Variants in ZMYND11 observed in about 807,000 individuals in gnomAD.
The protein encoded by ZMYND11 is zinc finger MYND domain-containing protein 11.
ZMYND11 carries 9 observed loss-of-function variants against 84.9 expected under a neutral mutation model. The ratio of observed to expected loss-of-function variants is 0.11; its 90% CI spans 0.06 to 0.18. The LOEUF is 0.18. Ranked by LOEUF, ZMYND11 falls within the 10% of genes least tolerant of loss-of-function variation. The pLI, the probability that ZMYND11 is intolerant of heterozygous loss-of-function variation, is 1.00. For missense variants in ZMYND11, 409 were observed against 761.0 expected (o/e 0.54, Z 5.44); for synonymous variants, 250 against 244.1 (o/e 1.02, Z -0.23).
At chr10:182,968 G>A (rs1463273413) in intron 2 of ZMYND11, among the ~76,000 whole-genome samples, 7 of 152,076 alleles carry the variant, frequency 4.6e-5, no homozygotes. Flanking sequence ...ATATCTTAAG[G>A]TACTGAAGGC....
chr10:232,668 G>A (rs1326475149), intron 4 of ZMYND11, among the ~76,000 whole-genome samples: 1 of 152,176 alleles, frequency 6.6e-6, no homozygotes, highest in Non-Finnish European at 1.5e-5. Flanking sequence ...AAAAAGGTGG[G>A]TGGGGCAACA....
chr10:146,991 A>G (rs1839035923), intron 1 of ZMYND11, among the ~76,000 whole-genome samples: 1 of 152,206 alleles, frequency 6.6e-6, no homozygotes, highest in Admixed American at 6.5e-5. Context: ...TTCTTTATAA[A>G]TTACCCAGTC....
intron 1 of ZMYND11, among the ~76,000 whole-genome samples, chr10:177,780 C>T (rs1846985320): frequency 6.6e-6 from 1 of 152,000 alleles, no homozygotes; most frequent in Non-Finnish European, 1.5e-5. Flanking sequence ...ATGTATTATT[C>T]TTCAGTGTTT....
intron 1 of ZMYND11, among the ~76,000 whole-genome samples, chr10:172,141 C>G (rs1421046948): frequency 6.6e-6 from 1 of 152,156 alleles, no homozygotes; most frequent in Admixed American, 6.6e-5. Context: ...GGCAGAGCCC[C>G]CATGGCCCAA....
chr10:209,038 T>C (rs1944695582), intron 2 of ZMYND11, among the ~76,000 whole-genome samples: 1 of 149,258 alleles, frequency 6.7e-6, no homozygotes, highest in Non-Finnish European at 1.5e-5. Context: ...TATGTATATG[T>C]ATATATATAT....
At chr10:131,616 T>C (rs566312862), upstream of ZMYND11, among the ~76,000 whole-genome samples, 1 of 152,300 alleles carries the variant, frequency 6.6e-6, no homozygotes, top group African/African-American at 2.4e-5. Context: ...CCCTGACCTC[T>C]TGTGCTCAAG....
chr10:212,844 T>G (rs963158443), intron 3 of ZMYND11, among the ~76,000 whole-genome samples: 59 of 152,294 alleles, frequency 3.9e-4, no homozygotes, highest in African/African-American at 1.4e-3. Flanking sequence ...TCAACCTGTA[T>G]TCTCAAACAC....
intron 1 of ZMYND11, among the ~76,000 whole-genome samples, chr10:177,421 T>C (rs1203150763): frequency 6.6e-6 from 1 of 152,186 alleles, no homozygotes; most frequent in African/African-American, 2.4e-5. Flanking sequence ...GTGACTTGAT[T>C]CAGGTAGTTC....
chr10:169,709 G>A (rs1844831388), intron 1 of ZMYND11, among the ~76,000 whole-genome samples: 5 of 152,100 alleles, frequency 3.3e-5, no homozygotes, highest in Admixed American at 2.0e-4. Context: ...CTGAATGTGA[G>A]CATATGACAA....
rs751504676 is a variant in ZMYND11 at position 237,630 on chromosome 10, T to A, written c.562T>A (p.Tyr188Asn). The A allele has an allele frequency of 6.2e-7, 1 of 1,613,806 alleles. No individual in the cohort carries two copies. Among genetic ancestry groups the A allele is most frequent in the South Asian group, 1.1e-5 (1 of 90,974 alleles). Reference sequence around the variant, plus strand: ...GGGGAAGGACAATAAACACCCGATGTACAGGAGGCTGGTGCACTCAGCTGT... The same window carrying A: ...GGGGAAGGACAATAAACACCCGATGAACAGGAGGCTGGTGCACTCAGCTGT... ...KKGKDNKHPM[Y>N]RRLVHSAVDV... The change falls in exon 6 of 15, where the codon TAC (tyrosine) becomes AAC (asparagine). Residue 188 changes from tyrosine (Y) to asparagine (N), a missense_variant. Tyr to Asn is a moderately radical substitution (Grantham distance 143). Around this residue, in one of 7 missense-constraint regions of ZMYND11, gnomAD observed 53 missense variants for 71.1 expected, o/e 0.75. Transcript: ENST00000381604.
intron 10 of ZMYND11, among the ~76,000 whole-genome samples, chr10:243,859 C>T (rs566427872): frequency 9.2e-5 from 14 of 152,180 alleles, no homozygotes; most frequent in East Asian, 5.8e-4. Context: ...AGTGAGACTC[C>T]GTCTCAAAAA....
intron 4 of ZMYND11, among the ~76,000 whole-genome samples, chr10:232,422 T>C (rs920784193): frequency 6.6e-5 from 10 of 152,238 alleles, no homozygotes; most frequent in Admixed American, 3.3e-4. Context: ...TTTTCAAATG[T>C]GAAAGCATCT....
Position 250,400 on chromosome 10 carries a change from T to C in ZMYND11, c.1686+1312T>C, listed in dbSNP as rs187156154. On this transcript the variant is annotated intron_variant, in intron 14 of 14. Transcript: ENST00000381604. The stretch of plus-strand genomic sequence containing the variant: ...GTCCCAGTGCTTTGGGAGGCCAAGG[T>C]GGAAGGATTGGTTGAGCCCAGGAGT... Among the ~76,000 whole-genome samples the C allele has an allele frequency of 6.9e-3, 1,052 of 152,122 alleles. 12 individuals carry two copies. The highest frequency in any genetic ancestry group is 0.024 in the African/African-American group (984 of 41,518).
At chr10:132,420 T>G (rs1435017336), upstream of ZMYND11, among the ~76,000 whole-genome samples, 1 of 151,892 alleles carries the variant, frequency 6.6e-6, no homozygotes, top group African/African-American at 2.4e-5. Context: ...ATGTTTCTTA[T>G]CCTCTTGCTT....
chr10:220,523 C>T (rs368628185), intron 3 of ZMYND11, among the ~76,000 whole-genome samples: 4 of 152,122 alleles, frequency 2.6e-5, no homozygotes, highest in African/African-American at 9.7e-5. Context: ...CTAGGAATAG[C>T]CCCAGTCAGG....
intron 2 of ZMYND11, 49 bp downstream of exon 2, chr10:180,177 TTGGG>T: frequency 2.0e-6 from 3 of 1,524,740 alleles, no homozygotes; most frequent in Non-Finnish European, 2.7e-6. Flanking sequence ...GTAGAAGACT[TTGGG>T]GGAAAGGCCA....
chr10:234,984 G>A (rs1589157103), intron 4 of ZMYND11, among the ~76,000 whole-genome samples: 1 of 136,848 alleles, frequency 7.3e-6, no homozygotes, highest in Admixed American at 7.5e-5. Context: ...TTTCGCAAAT[G>A]TGTGTGTGTG....
chr10:251,744 T>C (rs990907901), intron 14 of ZMYND11, among the ~76,000 whole-genome samples: 2 of 152,150 alleles, frequency 1.3e-5, no homozygotes, highest in African/African-American at 4.8e-5. Flanking sequence ...AGAACATTCT[T>C]TGGGGGAGGT....
At chr10:189,725 T>C (rs1939807704) in intron 2 of ZMYND11, among the ~76,000 whole-genome samples, 2 of 152,172 alleles carry the variant, frequency 1.3e-5, no homozygotes, top group Admixed American at 1.3e-4. Context: ...TTTCTTTGCA[T>C]GTCTATGAAG....
Sources: allele counts gnomAD v4.1 joint callset (sites outside exome capture counted in the v4.1 genomes callset), GRCh38; gene constraint gnomAD v4.1.1; regional missense constraint gnomAD v4.1.1; transcripts MANE v1.5; gene names NCBI Gene and HGNC (gene_info 2026-07-23, HGNC 2026-07-21).